Variants in AFF1 observed in about 807,000 individuals in gnomAD.
AFF1 encodes ALF transcription elongation factor 1.
Under a neutral mutation model 121.7 loss-of-function variants are expected in AFF1, and 48 were observed. The observed-to-expected ratio is 0.39, with a 90% CI of 0.31 to 0.50. The LOEUF (loss-of-function observed/expected upper bound fraction) is 0.50, where lower values mean the gene tolerates loss of function less well. Among genes scored for constraint, AFF1 ranks in the 20% least tolerant of loss-of-function variants. The pLI is 0.76. For synonymous variants in AFF1, 613 were observed against 563.0 expected, an observed-to-expected ratio of 1.09 and a Z score of -1.26; for missense variants, 1,523 against 1,511.7, an observed-to-expected ratio of 1.01 and a Z score of -0.12.
chr4:86,944,306 C>G (rs1188414120), intron 1 of AFF1, among the ~76,000 whole-genome samples: 1 of 151,958 alleles, frequency 6.6e-6, no homozygotes, highest in African/African-American at 2.4e-5. Flanking sequence ...TCCCCGACGA[C>G]AATCCCATGA....
At chr4:87,032,443 A>G (rs1303910828) in intron 2 of AFF1, among the ~76,000 whole-genome samples, 3 of 152,374 alleles carry the variant, frequency 2.0e-5, no homozygotes, top group Admixed American at 6.5e-5. Flanking sequence ...ACCAAGATCA[A>G]GATATAAACA....
intron 16 of AFF1, among the ~76,000 whole-genome samples, chr4:87,128,474 C>G (rs1484774710): frequency 6.6e-6 from 1 of 152,144 alleles, no homozygotes; most frequent in Non-Finnish European, 1.5e-5. Flanking sequence ...ACCTAAATCC[C>G]CACAAATGCA....
intron 2 of AFF1, among the ~76,000 whole-genome samples, chr4:87,030,157 G>A (rs1728928166): frequency 6.6e-6 from 1 of 151,796 alleles, no homozygotes; most frequent in Non-Finnish European, 1.5e-5. Flanking sequence ...ATCACCCCTT[G>A]TGTTTCTTAC....
intron 2 of AFF1, among the ~76,000 whole-genome samples, chr4:87,017,812 C>T (rs964262006): frequency 1.3e-5 from 2 of 151,982 alleles, no homozygotes; most frequent in Admixed American, 6.6e-5. Flanking sequence ...TGGTGTACTC[C>T]GACTTCAGTT....
chr4:87,053,586 G>A lies in AFF1; in HGVS notation c.1059+5992G>A, dbSNP rs543522058. Among the ~76,000 whole-genome samples, 17 of 152,284 alleles carry A rather than the reference G, an allele frequency of 1.1e-4. No individual in the cohort carries two copies. In the South Asian group the frequency reaches 3.1e-3, roughly 28 times the overall value. On this transcript the variant is annotated intron_variant, in intron 4 of 20. Coordinates refer to ENST00000395146, the MANE Select transcript of AFF1 (RefSeq NM_001166693.3). ...TGGATATGCCGATGGTGCACATCCT[G>A]CTCCTGCACCACTCAAAACACATTT...
chr4:87,094,956 C>G lies in AFF1; in HGVS notation c.1270C>G (p.Gln424Glu), dbSNP rs753207111. ...TTCAAAAACTCACTCAAATTCTCAG[C>G]AAGGAACGTCATCGTAAGTGAAATG... is the stretch of plus-strand genomic sequence containing the variant. ...TSSKTHSNSQ[Q>E]GTSSMLEDDL... is the part of the protein sequence containing the mutation. Residue 424 changes from glutamine (Q) to glutamate (E), a missense_variant, in exon 8 of 21, where the codon CAA becomes GAA. Physicochemically the swap from Gln to Glu is conservative, Grantham distance 29. Around this residue, in one of 5 missense-constraint regions of AFF1, gnomAD observed 905 missense variants for 842.5 expected, o/e 1.07. Transcript: ENST00000395146. 1 of 1,613,558 alleles carries G rather than the reference C, an allele frequency of 6.2e-7. No individual in the cohort carries two copies. Among genetic ancestry groups the G allele is most frequent in the Admixed American group, 1.7e-5 (1 of 60,010 alleles).
intron 4 of AFF1, among the ~76,000 whole-genome samples, chr4:87,050,855 G>A (rs1265184319): frequency 6.6e-6 from 1 of 152,212 alleles, no homozygotes; most frequent in Non-Finnish European, 1.5e-5. Context: ...GGAAGATTGA[G>A]ATTTCTTTAT....
chr4:87,026,067 T>TC (rs1232682695), intron 2 of AFF1, among the ~76,000 whole-genome samples: 1 of 150,286 alleles, frequency 6.7e-6, no homozygotes, highest in Non-Finnish European at 1.5e-5. Context: ...CATGCTTTTT[T>TC]TTTTTTTTTT....
chr4:87,005,553 TAC>T (rs142976256), intron 2 of AFF1, among the ~76,000 whole-genome samples: 5,904 of 152,282 alleles, frequency 0.039, 194 homozygotes, highest in African/African-American at 0.092. Context: ...TCAGAATAAC[TAC>T]AGTTTGTGAA....
At position 86,953,139 on chromosome 4, in the gene AFF1, T is replaced by C. The variant is rs189999335; in HGVS notation, c.38+4568T>C. Among the ~76,000 whole-genome samples, 323 of 152,302 alleles carry C rather than the reference T, an allele frequency of 2.1e-3. 1 individual carries two copies. The highest frequency in any genetic ancestry group is 0.016 in the South Asian group (79 of 4,830). ...ACATTCTAGCAATTACAGAGCTGTT[T>C]TTATTATTTGTTACTTTTATCATAA... On this transcript the variant is annotated intron_variant, in intron 2 of 20. Transcript: ENST00000395146.
At chr4:86,952,950 T>TCCCC (rs1721472524) in intron 2 of AFF1, among the ~76,000 whole-genome samples, 1 of 126,290 alleles carries the variant, frequency 7.9e-6, no homozygotes, top group Non-Finnish European at 1.7e-5. Flanking sequence ...TGTGTTCCCC[T>TCCCC]CCACCCCCAC....
At chr4:86,938,070 C>CTTG (rs1720171997) in intron 1 of AFF1, among the ~76,000 whole-genome samples, 1 of 151,974 alleles carries the variant, frequency 6.6e-6, no homozygotes, top group African/African-American at 2.4e-5. Flanking sequence ...ATTTGTGGGC[C>CTTG]CAAAGTTCCT....
chr4:86,936,067 C>A (rs1719961002), intron 1 of AFF1: 1 of 152,190 alleles, frequency 6.6e-6, no homozygotes, highest in African/African-American at 2.4e-5. Context: ...GTTTTCTCTT[C>A]CCGGAGCTTC....
chr4:86,945,700 G>A (rs931232951), intron 1 of AFF1, among the ~76,000 whole-genome samples: 3 of 151,700 alleles, frequency 2.0e-5, no homozygotes, highest in Admixed American at 2.0e-4. Flanking sequence ...AGGTGTCACT[G>A]TGTTTCCAGG....
chr4:87,132,782 C>T (rs190521689), intron 19 of AFF1, among the ~76,000 whole-genome samples: 2 of 152,316 alleles, frequency 1.3e-5, no homozygotes, highest in East Asian at 3.9e-4. Context: ...CCTCCACCTC[C>T]CAGGTTCAAG....
intron 2 of AFF1, among the ~76,000 whole-genome samples, chr4:86,979,204 TCTC>T (rs1723538853): frequency 6.6e-6 from 1 of 152,190 alleles, no homozygotes; most frequent in Admixed American, 6.5e-5. Flanking sequence ...TTCAAGTCAT[TCTC>T]CTGCCTCAGC....
In AFF1 at chr4:87,125,030, G is replaced by A; in HGVS notation, c.2467-7G>A. On this transcript the variant is annotated splice_region_variant and splice_polypyrimidine_tract_variant and intron_variant, in intron 12 of 20. Coordinates refer to ENST00000395146, the MANE Select transcript of AFF1 (RefSeq NM_001166693.3). ...AATAATTTGCTTTGCTGATTATACT[G>A]TAATAGGGTGAAGCAGAAAGAGACT... The A allele has an allele frequency of 6.3e-7, 1 of 1,592,162 alleles. No individual in the cohort carries two copies.
chr4:87,038,774 T>C (rs952030848), intron 2 of AFF1, among the ~76,000 whole-genome samples: 7 of 152,238 alleles, frequency 4.6e-5, no homozygotes, highest in African/African-American at 1.7e-4. Flanking sequence ...ACACTGTTGA[T>C]TTTAGGATTT....
At chr4:86,962,817 A>G (rs767402054) in intron 2 of AFF1, among the ~76,000 whole-genome samples, 1 of 152,206 alleles carries the variant, frequency 6.6e-6, no homozygotes, top group Non-Finnish European at 1.5e-5. Flanking sequence ...TAAAATTCTC[A>G]TTTCATATTT....
Sources: gnomAD v4.1 joint callset for allele counts (sites outside exome capture counted in the v4.1 genomes callset) on GRCh38, gnomAD v4.1.1 for gene constraint, gnomAD v4.1.1 regional missense constraint, MANE v1.5 for transcripts, NCBI Gene and HGNC (gene_info 2026-07-23, HGNC 2026-07-21) for gene names.